The following ANO2 variants were observed in gnomAD, a reference collection of about 807,000 sequenced individuals.
The protein encoded by ANO2 is anoctamin 2.
Under a neutral mutation model 124.2 loss-of-function variants are expected in ANO2, and 101 were observed. The observed-to-expected ratio is 0.81, with a 90% CI of 0.69 to 0.96. The LOEUF (loss-of-function observed/expected upper bound fraction) is 0.96, where lower values mean the gene tolerates loss of function less well. Among genes scored for constraint, ANO2 ranks in the 40% least tolerant of loss-of-function variants. The pLI is 0.00. For missense variants in ANO2, 1,293 were observed against 1,274.5 expected, an observed-to-expected ratio of 1.01 and a Z score of -0.22; for synonymous variants, 486 against 482.5, an observed-to-expected ratio of 1.01 and a Z score of -0.09.
chr12:5,867,443 A>G (rs1458644011), intron 3 of ANO2, among the ~76,000 whole-genome samples: 1 of 152,220 alleles, frequency 6.6e-6, no homozygotes, highest in African/African-American at 2.4e-5. Flanking sequence ...GAGAGACACC[A>G]AACATGCTTC....
rs767326779 is a variant in ANO2 at position 5,945,197 on chromosome 12, G to A, written c.21C>T (p.Arg7=). ...ACCAGGTCCAGCCGGAAAACTCACC[G>A]CGCGGCCCGGGAGTCGCCATGATGT... is the stretch of plus-strand genomic sequence containing the variant. MATPGP[R]DIPLLPGSPR... Residue 7 remains arginine, a splice_region_variant and synonymous_variant, in exon 1 of 25, where the codon CGC becomes CGT. Coordinates refer to ENST00000682330, the MANE Select transcript of ANO2 (RefSeq NM_001364791.2). The A allele has an allele frequency of 3.1e-6, 4 of 1,288,622 alleles. No individual in the cohort carries two copies. The highest frequency in any genetic ancestry group is 2.5e-5 in the South Asian group (2 of 80,840). 79.8% of individuals were successfully genotyped at this position (1,288,622 alleles called of 1,614,324 possible). A position where few individuals can be genotyped will look rare whatever the true frequency, so the allele number is the denominator to read the frequency against.
chr12:5,612,753 C>A lies in ANO2; in HGVS notation c.1990G>T (p.Ala664Ser), dbSNP rs1944606848. 1.2e-5 allele frequency: 19 copies of A among 1,613,572 alleles called. No individual in the cohort carries two copies. Among genetic ancestry groups the A allele is most frequent in the Non-Finnish European group, 1.6e-5 (19 of 1,179,614 alleles). The change falls in exon 19 of 25, where the codon GCT (alanine) becomes TCT (serine). Residue 664 changes from alanine (A) to serine (S), a missense_variant. Physicochemically the swap from Ala to Ser is moderately conservative, Grantham distance 99. Transcript: ENST00000682330. ...VFDGYRMEEC[A>S]PGGCLMELCI... ...AGCTCCATGAGACAGCCCCCTGGAG[C>A]ACACTGCAGGGAGAAGATAAGGAAA...
chr12:5,780,114 C>T (rs1952343796), intron 10 of ANO2, among the ~76,000 whole-genome samples: 1 of 152,132 alleles, frequency 6.6e-6, no homozygotes, highest in Admixed American at 6.6e-5. Context: ...TAGATTACTT[C>T]AAGAGTAAAG....
At chr12:5,608,330 G>A (rs1439514513) in intron 19 of ANO2, among the ~76,000 whole-genome samples, 1 of 150,214 alleles carries the variant, frequency 6.7e-6, no homozygotes, top group Non-Finnish European at 1.5e-5. Context: ...CTTTATAATT[G>A]TACAAATTAT....
At chr12:5,875,053 A>T (rs2137287597) in intron 3 of ANO2, among the ~76,000 whole-genome samples, 1 of 152,316 alleles carries the variant, frequency 6.6e-6, no homozygotes, top group South Asian at 2.1e-4. Context: ...TTACTGATAG[A>T]CATATCTGCA....
intron 7 of ANO2, among the ~76,000 whole-genome samples, chr12:5,821,720 A>G (rs1953805471): frequency 6.6e-6 from 1 of 152,214 alleles, no homozygotes; most frequent in Non-Finnish European, 1.5e-5. Context: ...TATGGGTCAT[A>G]AAGTCACCAT....
At chr12:5,711,843 C>T (rs567634449) in intron 14 of ANO2, among the ~76,000 whole-genome samples, 1 of 152,264 alleles carries the variant, frequency 6.6e-6, no homozygotes, top group Non-Finnish European at 1.5e-5. Context: ...TTGGATATTC[C>T]TTGAAATCAA....
chr12:5,942,285 T>C (rs1477782600), intron 1 of ANO2, among the ~76,000 whole-genome samples: 1 of 152,206 alleles, frequency 6.6e-6, no homozygotes, highest in South Asian at 2.1e-4. Flanking sequence ...TGGGGTAGAA[T>C]GGACCAGAAA....
intron 1 of ANO2, among the ~76,000 whole-genome samples, chr12:5,937,305 G>A (rs1942690035): frequency 6.6e-6 from 1 of 152,166 alleles, no homozygotes; most frequent in African/African-American, 2.4e-5. Flanking sequence ...TTTCCCTAAT[G>A]ACTGGTGACG....
At chr12:5,685,336 G>A (rs1298171799) in intron 14 of ANO2, among the ~76,000 whole-genome samples, 1 of 152,164 alleles carries the variant, frequency 6.6e-6, no homozygotes, top group Non-Finnish European at 1.5e-5. Flanking sequence ...CATGGCCCCA[G>A]GGGTCTCCAC....
chr12:5,878,462 G>A (rs1419904256), intron 3 of ANO2, among the ~76,000 whole-genome samples: 1 of 152,190 alleles, frequency 6.6e-6, no homozygotes, highest in Non-Finnish European at 1.5e-5. Context: ...CAATGCCTGG[G>A]TCATAACAAG....
At chr12:5,819,882 G>C (rs569355084) in intron 7 of ANO2, among the ~76,000 whole-genome samples, 2 of 152,300 alleles carry the variant, frequency 1.3e-5, no homozygotes, top group South Asian at 4.1e-4. Flanking sequence ...GGCAAGGTGG[G>C]TGTACCTACT....
At chr12:5,836,648 T>C (rs1364129187) in intron 4 of ANO2, 1 of 153,364 alleles carries the variant, frequency 6.5e-6, no homozygotes, top group African/African-American at 2.4e-5. Flanking sequence ...CCTTTCCGTG[T>C]AGTTCCTGCT....
At chr12:5,715,100 T>C (rs910904555) in intron 14 of ANO2, among the ~76,000 whole-genome samples, 3 of 152,138 alleles carry the variant, frequency 2.0e-5, no homozygotes, top group Non-Finnish European at 4.4e-5. Flanking sequence ...TGTGTACATG[T>C]TGTAAAGTTG....
intron 16 of ANO2, among the ~76,000 whole-genome samples, chr12:5,621,429 T>G (rs931900075): frequency 6.6e-6 from 1 of 152,046 alleles, no homozygotes; most frequent in Non-Finnish European, 1.5e-5. Context: ...GGTGTAACCA[T>G]ATGACAGGAG....
intron 20 of ANO2, among the ~76,000 whole-genome samples, chr12:5,587,223 G>A (rs1173574933): frequency 1.3e-5 from 2 of 152,234 alleles, no homozygotes; most frequent in Non-Finnish European, 2.9e-5. Flanking sequence ...TCACCCTCAA[G>A]AAGCTTCCAT....
chr12:5,849,665 C>G (rs777897358), intron 4 of ANO2, among the ~76,000 whole-genome samples: 3 of 152,186 alleles, frequency 2.0e-5, no homozygotes, highest in Non-Finnish European at 4.4e-5. Flanking sequence ...AGTCCCTGGA[C>G]ACATTACAAT....
intron 11 of ANO2, among the ~76,000 whole-genome samples, chr12:5,749,975 A>G (rs1299688314): frequency 6.6e-6 from 1 of 151,086 alleles, no homozygotes. Context: ...CGCCCAGGCT[A>G]GAGTGCAGTG....
intron 17 of ANO2, among the ~76,000 whole-genome samples, chr12:5,614,229 G>A (rs1482363432): frequency 6.6e-6 from 1 of 152,172 alleles, no homozygotes; most frequent in Non-Finnish European, 1.5e-5. Flanking sequence ...CTTTGTCCCC[G>A]ATTCCTGCAT....
Sources: allele counts gnomAD v4.1 joint callset (sites outside exome capture counted in the v4.1 genomes callset), GRCh38; gene constraint gnomAD v4.1.1; transcripts MANE v1.5; gene names NCBI Gene and HGNC (gene_info 2026-07-23, HGNC 2026-07-21).